The following EYS variants were observed in gnomAD, a reference collection of about 807,000 sequenced individuals.
The protein encoded by EYS is EGF-like photoreceptor maintenance factor.
EYS carries 250 observed loss-of-function variants against 282.1 expected under a neutral mutation model. The observed-to-expected ratio is 0.89, with a 90% CI of 0.80 to 0.98. EYS has a LOEUF of 0.98. Ranked by LOEUF, EYS falls within the 50% of genes least tolerant of loss-of-function variation. The pLI is 0.00. For synonymous variants in EYS, 1,355 were observed against 1,282.9 expected (o/e 1.06, Z -1.20); for missense variants, 4,016 against 3,709.0 (o/e 1.08, Z -2.15).
intron 19 of EYS, among the ~76,000 whole-genome samples, chr6:64,849,548 T>G (rs1583220533): frequency 6.6e-6 from 1 of 152,132 alleles, no homozygotes; most frequent in East Asian, 1.9e-4. Flanking sequence ...AGCTCACAGT[T>G]TTATATATTA....
intron 29 of EYS, among the ~76,000 whole-genome samples, chr6:64,330,820 A>G (rs1427714688): frequency 6.6e-6 from 1 of 152,162 alleles, no homozygotes; most frequent in Non-Finnish European, 1.5e-5. Flanking sequence ...GAAAACCCCT[A>G]TATAACCTTA....
chr6:64,393,066 C>T (rs564140952), intron 28 of EYS, among the ~76,000 whole-genome samples: 68 of 152,214 alleles, frequency 4.5e-4, no homozygotes, highest in African/African-American at 1.5e-3. Context: ...ATACACTCTC[C>T]CAAGACTAAA....
At chr6:64,045,531 C>T (rs887231410) in intron 33 of EYS, among the ~76,000 whole-genome samples, 1 of 151,212 alleles carries the variant, frequency 6.6e-6, no homozygotes, top group Non-Finnish European at 1.5e-5. Context: ...CTGCAACCTC[C>T]ACTTCCTGGT....
chr6:65,439,385 A>G lies in EYS; in HGVS notation c.863-34018T>C, dbSNP rs1216968529. On this transcript the variant is annotated intron_variant, in intron 5 of 42. Coordinates refer to ENST00000503581, the MANE Select transcript of EYS (RefSeq NM_001142800.2). ...GTAGTTTTTTTCCAATTCTGTGGAG[A>G]AACTCATTGGTAGCTTGATGGGGAT... is the stretch of plus-strand genomic sequence containing the variant. Among the ~76,000 whole-genome samples the G allele has an allele frequency of 3.3e-5, 5 of 152,162 alleles. No individual in the cohort carries two copies. In the East Asian group the frequency reaches 5.8e-4, roughly 18 times the overall value.
At chr6:65,493,122 C>A (rs1357609870) in intron 4 of EYS, among the ~76,000 whole-genome samples, 1 of 152,096 alleles carries the variant, frequency 6.6e-6, no homozygotes, top group Admixed American at 6.6e-5. Flanking sequence ...ACCATGTTGG[C>A]CAGGCTGGTC....
chr6:64,782,604 A>C (rs1219114099), intron 22 of EYS, among the ~76,000 whole-genome samples: 1 of 152,202 alleles, frequency 6.6e-6, no homozygotes, highest in Non-Finnish European at 1.5e-5. Flanking sequence ...TAAAAAACTT[A>C]ACTGCATATG....
At chr6:65,366,851 G>A (rs1764931182) in intron 8 of EYS, among the ~76,000 whole-genome samples, 1 of 151,380 alleles carries the variant, frequency 6.6e-6, no homozygotes. Flanking sequence ...TATATTATTT[G>A]GCTTGTACCT....
chr6:63,919,462 G>A (rs989372092), intron 35 of EYS, among the ~76,000 whole-genome samples: 12 of 151,374 alleles, frequency 7.9e-5, no homozygotes, highest in African/African-American at 2.4e-4. Flanking sequence ...ATAATTTCCA[G>A]TCCCCTTTGT....
chr6:64,379,438 G>A (rs1301300578), intron 29 of EYS: 1 of 151,978 alleles, frequency 6.6e-6, no homozygotes, highest in Non-Finnish European at 1.5e-5. Flanking sequence ...GAATATTGAT[G>A]GACTTTGATT....
chr6:65,477,798 T>G (rs1170727844), intron 5 of EYS, among the ~76,000 whole-genome samples: 1 of 152,176 alleles, frequency 6.6e-6, no homozygotes, highest in East Asian at 1.9e-4. Context: ...ATGATATATT[T>G]TTCAATCTTT....
intron 34 of EYS, among the ~76,000 whole-genome samples, chr6:63,987,140 A>G (rs1428148333): frequency 6.6e-6 from 1 of 151,734 alleles, no homozygotes; most frequent in Non-Finnish European, 1.5e-5. Flanking sequence ...GTCTTTGGAA[A>G]TCCTTTAGCC....
At chr6:64,148,509 A>C (rs2150292594) in intron 31 of EYS, among the ~76,000 whole-genome samples, 1 of 152,300 alleles carries the variant, frequency 6.6e-6, no homozygotes, top group African/African-American at 2.4e-5. Flanking sequence ...ATGTTGCCTA[A>C]ATTCTATCTC....
chr6:65,331,169 T>G (rs1562100234), intron 11 of EYS: 4 of 868,300 alleles, frequency 4.6e-6, no homozygotes, highest in Non-Finnish European at 5.5e-6. Flanking sequence ...AACATGATAA[T>G]TAGTTTCTAA....
intron 31 of EYS, among the ~76,000 whole-genome samples, chr6:64,113,001 A>G (rs569636673): frequency 2.0e-5 from 3 of 152,060 alleles, no homozygotes; most frequent in Non-Finnish European, 4.4e-5. Flanking sequence ...TGTAATTATA[A>G]ATTAAATTTT....
chr6:65,410,719 T>C (rs548357621), intron 5 of EYS, among the ~76,000 whole-genome samples: 5 of 151,842 alleles, frequency 3.3e-5, no homozygotes, highest in East Asian at 1.9e-4. Context: ...GGAATTGAAG[T>C]CAGTATACCA....
chr6:64,514,227 G>C (rs372003196), intron 26 of EYS, among the ~76,000 whole-genome samples: 1 of 151,652 alleles, frequency 6.6e-6, no homozygotes. Context: ...CCTACCTCAG[G>C]TAAAGGTTAA....
intron 39 of EYS, among the ~76,000 whole-genome samples, chr6:63,782,943 T>C (rs1770272009): frequency 6.6e-6 from 1 of 151,444 alleles, no homozygotes. Flanking sequence ...TTTTTTAAAC[T>C]GCAGTATAGC....
At chr6:65,516,085 AAAG>A (rs1767122507) in intron 2 of EYS, among the ~76,000 whole-genome samples, 1 of 152,058 alleles carries the variant, frequency 6.6e-6, no homozygotes, top group African/African-American at 2.4e-5. Flanking sequence ...ATGAAAAAGA[AAAG>A]AAGGAAGGAA....
intron 2 of EYS, among the ~76,000 whole-genome samples, chr6:65,521,568 T>G (rs981085967): frequency 6.6e-6 from 1 of 152,162 alleles, no homozygotes; most frequent in South Asian, 2.1e-4. Context: ...CTAACTTACA[T>G]AGCCAAACAT....
Sources: allele counts gnomAD v4.1 joint callset (sites outside exome capture counted in the v4.1 genomes callset), GRCh38; gene constraint gnomAD v4.1.1; transcripts MANE v1.5; gene names NCBI Gene and HGNC (gene_info 2026-07-23, HGNC 2026-07-21).